Variants in CSMD2 observed in about 807,000 individuals in gnomAD.
CSMD2 encodes the protein CUB and sushi domain-containing protein 2.
A neutral mutation model predicts 398.5 loss-of-function variants in CSMD2; 130 were observed. The observed-to-expected ratio is 0.33, with a 90% CI of 0.28 to 0.38. The LOEUF (loss-of-function observed/expected upper bound fraction) is 0.38. Ranked by LOEUF, CSMD2 falls within the 10% of genes least tolerant of loss-of-function variation. The probability of loss-of-function intolerance (pLI) is 1.00; values close to 1 mark genes in which losing one functional copy is unlikely to be tolerated. For synonymous variants in CSMD2, 1,828 were observed against 1,908.5 expected (o/e 0.96, Z 1.10); for missense variants, 3,829 against 4,764.9 (o/e 0.80, Z 5.78).
chr1:34,082,894 A>G (rs1399514387), intron 2 of CSMD2, among the ~76,000 whole-genome samples: 5 of 151,758 alleles, frequency 3.3e-5, no homozygotes, highest in Admixed American at 1.3e-4. Context: ...AGTCACCACC[A>G]CTCCCTAATC....
intron 41 of CSMD2, among the ~76,000 whole-genome samples, chr1:33,609,086 C>T (rs114540819): frequency 0.015 from 2,310 of 152,340 alleles, 59 homozygotes; most frequent in African/African-American, 0.051. Context: ...GATGAGCCTG[C>T]ACACACCTTC....
chr1:33,656,211 C>G (rs888451578), intron 27 of CSMD2, among the ~76,000 whole-genome samples: 1 of 152,120 alleles, frequency 6.6e-6, no homozygotes, highest in African/African-American at 2.4e-5. Flanking sequence ...TGGGGTTAGG[C>G]GTGTCCTCAC....
Position 33,918,209 on chromosome 1 carries a change from T to A in CSMD2, c.805A>T (p.Thr269Ser), listed in dbSNP as rs1253294409. Residue 269 changes from threonine (T) to serine (S), a missense_variant, in exon 5 of 71, where the codon ACA becomes TCA. Around this residue, in one of 5 missense-constraint regions of CSMD2, gnomAD observed 2,001 missense variants for 2,567.1 expected, o/e 0.78. Coordinates refer to ENST00000373381, the MANE Select transcript of CSMD2 (RefSeq NM_001281956.2). ...CCCAGCTCAGCCAGGATGGTCCATG[T>A]GCAGTCGGCATTGTTATGGTACTCC... ...PSEYHNNADC[T>S]WTILAELGDT... The A allele has an allele frequency of 1.2e-6, 2 of 1,614,190 alleles. No homozygotes were observed. Among genetic ancestry groups the A allele is most frequent in the Non-Finnish European group, 8.5e-7 (1 of 1,180,038 alleles).
chr1:33,605,375 A>C lies in CSMD2; in HGVS notation c.6439T>G (p.Cys2147Gly). The change falls in exon 42 of 71, where the codon TGC (cysteine) becomes GGC (glycine). Residue 2147 changes from cysteine (C) to glycine (G), a missense_variant. Transcript: ENST00000373381. ...YNVGQSVTFE[C>G]LPGYQLTGHP... ...CCAGTCAATTGATACCCCGGGAGGCACTCGAAGGTCACTGATTGTCCCACG... is the reference window on the plus strand; with the variant it reads ...CCAGTCAATTGATACCCCGGGAGGCCCTCGAAGGTCACTGATTGTCCCACG... 1 of 1,614,108 alleles carries C rather than the reference A, an allele frequency of 6.2e-7. No homozygotes were observed. The highest frequency in any genetic ancestry group is 8.5e-7 in the Non-Finnish European group (1 of 1,180,020).
At chr1:33,814,784 A>T (rs1337497402) in intron 9 of CSMD2, among the ~76,000 whole-genome samples, 2 of 152,118 alleles carry the variant, frequency 1.3e-5, no homozygotes, top group East Asian at 1.9e-4. Flanking sequence ...CAGTCATTCC[A>T]TTCCTTCCCC....
chr1:33,917,114 C>T (rs562466300), intron 5 of CSMD2, among the ~76,000 whole-genome samples: 118 of 152,268 alleles, frequency 7.7e-4, no homozygotes, highest in Non-Finnish European at 1.2e-3. Flanking sequence ...CAGACCTGGC[C>T]GGGCCCAGCC....
At position 33,571,683 on chromosome 1, in the gene CSMD2, G is replaced by T; in HGVS notation, c.7806C>A (p.Gly2602=). 1.9e-6 allele frequency: 3 copies of T among 1,570,788 alleles called. No individual in the cohort carries two copies. The highest frequency in any genetic ancestry group is 2.6e-6 in the Non-Finnish European group (3 of 1,151,018). Residue 2602 remains glycine (G), a synonymous_variant, in exon 51 of 71, where the codon GGC becomes GGA. Coordinates refer to ENST00000373381, the MANE Select transcript of CSMD2 (RefSeq NM_001281956.2). ...GTGTCTCAAAGATAAGCCTCCATCG[G>T]CCATGCTCCACGCTGATGCTACTGA... The part of the protein sequence containing the change: ...PDVSSISVEH[G]RWRLIFETQY...
chr1:33,603,453 G>A (rs989770294), intron 42 of CSMD2, among the ~76,000 whole-genome samples: 2 of 152,168 alleles, frequency 1.3e-5, no homozygotes, highest in Admixed American at 6.5e-5. Context: ...CAGACATCTG[G>A]TTGGGGCAGA....
intron 9 of CSMD2, chr1:33,813,309 C>T (rs1373944764): frequency 1.3e-5 from 2 of 152,154 alleles, no homozygotes; most frequent in Non-Finnish European, 2.9e-5. Context: ...CAAAATGAAG[C>T]ATTAGCTACT....
At chr1:33,719,754 G>A (rs1282827775) in intron 19 of CSMD2, among the ~76,000 whole-genome samples, 2 of 152,176 alleles carry the variant, frequency 1.3e-5, no homozygotes, top group African/African-American at 2.4e-5. Context: ...TTCTTCAACT[G>A]TAATATGTAG....
chr1:34,067,342 A>C (rs1239734517), intron 2 of CSMD2, among the ~76,000 whole-genome samples: 1 of 152,220 alleles, frequency 6.6e-6, no homozygotes, highest in Non-Finnish European at 1.5e-5. Flanking sequence ...TGTAAATCTG[A>C]GCAAGGAATG....
intron 3 of CSMD2, among the ~76,000 whole-genome samples, chr1:33,970,646 C>T (rs1645728427): frequency 6.6e-6 from 1 of 152,222 alleles, no homozygotes; most frequent in African/African-American, 2.4e-5. Context: ...TCCTCTGAGG[C>T]TCATCCCCAG....
intron 3 of CSMD2, among the ~76,000 whole-genome samples, chr1:34,027,946 C>T (rs889901272): frequency 1.3e-5 from 2 of 152,112 alleles, no homozygotes; most frequent in Non-Finnish European, 2.9e-5. Context: ...GGCGAGGGCT[C>T]CTGGGGCCTA....
chr1:34,120,705 C>T (rs559907385), intron 1 of CSMD2, among the ~76,000 whole-genome samples: 17 of 152,140 alleles, frequency 1.1e-4, no homozygotes, highest in Admixed American at 8.5e-4. Flanking sequence ...CCACCATGCC[C>T]GGCTAATTTT....
In CSMD2 at chr1:33,602,429, C is replaced by T; in HGVS notation, c.6650G>A (p.Gly2217Asp). 1 of 1,613,994 alleles carries T rather than the reference C, an allele frequency of 6.2e-7. No homozygotes were observed. The highest frequency in any genetic ancestry group is 2.2e-5 in the East Asian group (1 of 44,878). ...CAGCAGGCTGAGGTTGAGGCGGACG[C>T]CATGGCCAATGGGCACGGTGATCAG... is the stretch of plus-strand genomic sequence containing the variant. The part of the protein sequence containing the change: ...VWLITVPIGH[G>D]VRLNLSLLQT... The change falls in exon 43 of 71, where the codon GGC (glycine) becomes GAC (aspartate). Residue 2217 changes from glycine to aspartate, a missense_variant. Physicochemically the swap from Gly to Asp is moderately conservative, Grantham distance 94. This residue lies in a region of CSMD2 where 723 missense variants were observed against 758.6 expected (regional missense o/e 0.95). Transcript: ENST00000373381.
Position 33,568,383 on chromosome 1 carries a change from C to T in CSMD2, c.8132-542G>A, listed in dbSNP as rs138464115. On this transcript the variant is annotated intron_variant, in intron 52 of 70. Transcript: ENST00000373381. ...TTGTATTTTTAGTAGAGATGGATTT[C>T]ACCATGTTGGCCAGGCTGGTCTCGA... Among the ~76,000 whole-genome samples, 1,247 of 152,172 alleles carry T rather than the reference C, an allele frequency of 8.2e-3. 12 individuals are homozygous for T. Among genetic ancestry groups the T allele is most frequent in the African/African-American group, 0.028 (1,174 of 41,498 alleles).
chr1:34,144,718 T>C (rs1194701923), intron 1 of CSMD2, among the ~76,000 whole-genome samples: 1 of 152,102 alleles, frequency 6.6e-6, no homozygotes, highest in Non-Finnish European at 1.5e-5. Context: ...ATTCCAAACT[T>C]GAGAGGGGAA....
chr1:33,560,061 G>A (rs1658401218), intron 53 of CSMD2, among the ~76,000 whole-genome samples: 1 of 152,138 alleles, frequency 6.6e-6, no homozygotes, highest in African/African-American at 2.4e-5. Context: ...GTAATGAGCT[G>A]GCATGTTTGG....
chr1:33,613,465 T>C (rs1280473481), intron 40 of CSMD2, among the ~76,000 whole-genome samples: 1 of 152,134 alleles, frequency 6.6e-6, no homozygotes, highest in Non-Finnish European at 1.5e-5. Context: ...CAGAAGATGG[T>C]ACTGAACACC....
Sources: allele counts gnomAD v4.1 joint callset (sites outside exome capture counted in the v4.1 genomes callset), GRCh38; gene constraint gnomAD v4.1.1; regional missense constraint gnomAD v4.1.1; transcripts MANE v1.5; gene names NCBI Gene and HGNC (gene_info 2026-07-23, HGNC 2026-07-21).